ZNF438: variants seen among roughly 807,000 people sequenced by gnomAD.
The protein encoded by ZNF438 is zinc finger protein 438.
ZNF438 carries 25 observed loss-of-function variants against 38.0 expected under a neutral mutation model. That is an observed-to-expected ratio of 0.66 (90% CI 0.48 to 0.92). The LOEUF (loss-of-function observed/expected upper bound fraction) is 0.92, where lower values mean the gene tolerates loss of function less well. Ranked by LOEUF, ZNF438 falls within the 40% of genes least tolerant of loss-of-function variation. The pLI is 0.00. For missense variants in ZNF438, 1,007 were observed against 999.6 expected (o/e 1.01, Z -0.10); for synonymous variants, 372 against 364.1 (o/e 1.02, Z -0.25).
intron 1 of ZNF438, among the ~76,000 whole-genome samples, chr10:31,025,787 A>G (rs545871466): frequency 2.6e-5 from 4 of 152,214 alleles, no homozygotes; most frequent in Non-Finnish European, 5.9e-5. Context: ...TAAAGATTTT[A>G]ATTTTTAAGC....
At chr10:30,990,873 T>TA (rs2053416352) in intron 1 of ZNF438, among the ~76,000 whole-genome samples, 1 of 151,864 alleles carries the variant, frequency 6.6e-6, no homozygotes, top group South Asian at 2.1e-4. Flanking sequence ...TTTTTTTTTT[T>TA]AATGAGCAAA....
chr10:30,923,124 A>G (rs1165701865), intron 2 of ZNF438, among the ~76,000 whole-genome samples: 2 of 152,236 alleles, frequency 1.3e-5, no homozygotes, highest in Non-Finnish European at 2.9e-5. Context: ...CAGTAGAAAC[A>G]TTATTAAATA....
chr10:30,996,062 T>G (rs2054015817), intron 1 of ZNF438, among the ~76,000 whole-genome samples: 1 of 152,150 alleles, frequency 6.6e-6, no homozygotes, highest in South Asian at 2.1e-4. Context: ...GGATGTACAC[T>G]GTAAACCCTG....
rs372855153 is a variant in ZNF438, at chr10:30,991,126, T to C, written c.-192+40707A>G. Among the ~76,000 whole-genome samples, 5 of 152,358 alleles carry C rather than the reference T, an allele frequency of 3.3e-5. No individual in the cohort carries two copies. In the East Asian group the frequency reaches 9.6e-4, roughly 29 times the overall value. The stretch of plus-strand genomic sequence containing the variant: ...TTACCTCCCCTGCACCTCCAAGCTC[T>C]GACTTATGTCTTAGTCTGTTTTACT... On this transcript the variant is annotated intron_variant, in intron 1 of 5. Transcript: ENST00000413025.
At chr10:30,896,255 C>G (rs1340912217) in intron 3 of ZNF438, among the ~76,000 whole-genome samples, 1 of 148,462 alleles carries the variant, frequency 6.7e-6, no homozygotes, top group Non-Finnish European at 1.5e-5. Flanking sequence ...GAGACCGCGC[C>G]ACGGCACTCC....
chr10:31,007,266 T>A (rs1303586610), intron 1 of ZNF438, among the ~76,000 whole-genome samples: 1 of 149,928 alleles, frequency 6.7e-6, no homozygotes, highest in Non-Finnish European at 1.5e-5. Flanking sequence ...GTCACAAAGG[T>A]TTTTTTGGTG....
At chr10:30,892,421 T>G (rs1368601116) in intron 3 of ZNF438, among the ~76,000 whole-genome samples, 1 of 152,190 alleles carries the variant, frequency 6.6e-6, no homozygotes, top group African/African-American at 2.4e-5. Context: ...AAACTCTATC[T>G]TATTGTACTG....
At chr10:31,007,895 C>G (rs2055312806) in intron 1 of ZNF438, among the ~76,000 whole-genome samples, 1 of 152,186 alleles carries the variant, frequency 6.6e-6, no homozygotes, top group African/African-American at 2.4e-5. Context: ...GGACTCAGCT[C>G]TCTCATAAAG....
intron 2 of ZNF438, among the ~76,000 whole-genome samples, chr10:30,940,338 G>A (rs144078067): frequency 1.0e-3 from 157 of 152,210 alleles, no homozygotes; most frequent in African/African-American, 3.6e-3. Flanking sequence ...ATGCCACAAC[G>A]GTGATACAAA....
chr10:30,849,104 C>A, exon 5 of ZNF438: 1 of 1,613,814 alleles, frequency 6.2e-7, no homozygotes, highest in Non-Finnish European at 8.5e-7. Context: ...CATAATGCTA[C>A]GGTATTTTTT....
intron 1 of ZNF438, among the ~76,000 whole-genome samples, chr10:30,974,105 A>G (rs1374418789): frequency 1.3e-5 from 2 of 152,224 alleles, no homozygotes; most frequent in East Asian, 1.9e-4. Flanking sequence ...AGACACACAC[A>G]TATCCCAGTG....
intron 1 of ZNF438, among the ~76,000 whole-genome samples, chr10:30,963,985 T>G (rs1589451637): frequency 1.3e-5 from 2 of 152,342 alleles, no homozygotes; most frequent in Non-Finnish European, 2.9e-5. Context: ...TGCTGAAATT[T>G]TACTTGGGTG....
chr10:30,889,518 G>A (rs1029878974), intron 3 of ZNF438, among the ~76,000 whole-genome samples: 1 of 152,040 alleles, frequency 6.6e-6, no homozygotes, highest in African/African-American at 2.4e-5. Context: ...TGATTCTCCT[G>A]TCTCAGCCTC....
chr10:30,967,826 T>C (rs1287982724), intron 1 of ZNF438, among the ~76,000 whole-genome samples: 1 of 152,046 alleles, frequency 6.6e-6, no homozygotes, highest in Non-Finnish European at 1.5e-5. Context: ...CTGGGAATGT[T>C]TAACATCAAG....
exon 6 of ZNF438, chr10:30,845,406 C>A (rs1411138707): frequency 6.2e-7 from 1 of 1,614,044 alleles, no homozygotes; most frequent in Admixed American, 1.7e-5. Context: ...TGGGAAGGTC[C>A]CTTCTTGTAG....
intron 2 of ZNF438, among the ~76,000 whole-genome samples, chr10:30,924,327 C>T (rs534214537): frequency 5.8e-4 from 88 of 152,200 alleles, no homozygotes; most frequent in African/African-American, 1.6e-3. Context: ...TCTCCCTGAC[C>T]GACTAAAACT....
chr10:30,845,589 A>T lies in ZNF438; in HGVS notation c.1875-16T>A, dbSNP rs1014699402. ...CTTGTTTTCCCTGAAAAGGCCAATA[A>T]TAATGAAGATAAGATTTCATGGAAA... On this transcript the variant is annotated splice_polypyrimidine_tract_variant and intron_variant, in intron 5 of 5. Transcript: ENST00000413025. 3.1e-6 allele frequency: 5 copies of T among 1,593,428 alleles called. No individual in the cohort carries two copies. Among genetic ancestry groups the T allele is most frequent in the Admixed American group, 1.8e-5 (1 of 56,674 alleles).
At chr10:30,979,681 C>A (rs541870415) in intron 1 of ZNF438, among the ~76,000 whole-genome samples, 1 of 152,138 alleles carries the variant, frequency 6.6e-6, no homozygotes, top group East Asian at 1.9e-4. Context: ...TCCTGGATAT[C>A]CTTGTTAATT....
chr10:31,004,484 T>C (rs866583980), intron 1 of ZNF438, among the ~76,000 whole-genome samples: 1 of 152,160 alleles, frequency 6.6e-6, no homozygotes, highest in Non-Finnish European at 1.5e-5. Flanking sequence ...TGTGGTCAAC[T>C]GCATGGAAAA....
Sources: gnomAD v4.1 joint callset for allele counts (sites outside exome capture counted in the v4.1 genomes callset) on GRCh38, gnomAD v4.1.1 for gene constraint, MANE v1.5 for transcripts, NCBI Gene and HGNC (gene_info 2026-07-23, HGNC 2026-07-21) for gene names.